Variants in CAPN6 observed in about 807,000 individuals in gnomAD.
CAPN6 encodes the protein calpain 6.
A neutral mutation model predicts 46.0 loss-of-function variants in CAPN6; 16 were observed. That is an observed-to-expected ratio of 0.35 (90% CI 0.24 to 0.53). The LOEUF is 0.53. Ranked by LOEUF, CAPN6 falls within the 20% of genes least tolerant of loss-of-function variation. CAPN6 has a pLI of 0.94. For synonymous variants in CAPN6, 206 were observed against 172.8 expected, an observed-to-expected ratio of 1.19 and a Z score of -1.51; for missense variants, 461 against 498.0, an observed-to-expected ratio of 0.93 and a Z score of 0.71.
chrX:111,246,426 T>A lies in CAPN6; in HGVS notation c.*151A>T. The A allele has an allele frequency of 2.1e-6, 1 of 487,645 alleles. No individual in the cohort carries two copies. The highest frequency in any genetic ancestry group is 4.7e-4 in the Middle Eastern group (1 of 2,138). The allele number at this position is 487,645 out of a possible 1,213,427, so 40.2% of individuals were successfully genotyped here. ...ATGTAGCTACAGATGCTACTTGGAT[T>A]GGGAGGTATGGGGAATTTATCAGAA... On this transcript the variant is annotated 3_prime_UTR_variant, in exon 13 of 13. Coordinates refer to ENST00000324068, the MANE Select transcript of CAPN6 (RefSeq NM_014289.4).
intron 5 of CAPN6, among the ~76,000 whole-genome samples, chrX:111,252,001 A>T (rs926868266): frequency 3.6e-5 from 4 of 112,389 alleles, no homozygotes; most frequent in African/African-American, 1.3e-4. Context: ...GATGGGGCAG[A>T]TTCATTTATT....
intron 2 of CAPN6, among the ~76,000 whole-genome samples, chrX:111,261,925 C>T: frequency 9.0e-6 from 1 of 111,521 alleles, no homozygotes; most frequent in Non-Finnish European, 1.9e-5. Flanking sequence ...AAGACACCTA[C>T]CCAATACACC....
chrX:111,246,783 G>A, intron 12 of CAPN6, 24 bp from the exon 13 acceptor site: 1 of 1,166,471 alleles, frequency 8.6e-7, no homozygotes, highest in Non-Finnish European at 1.2e-6. Flanking sequence ...CGAAGGGAGT[G>A]AAGATGAGCA....
At chrX:111,267,479 T>C (rs1335733474) in intron 1 of CAPN6, among the ~76,000 whole-genome samples, 1 of 111,888 alleles carries the variant, frequency 8.9e-6, no homozygotes, top group Non-Finnish European at 1.9e-5. Context: ...GACTGCCACG[T>C]AGAATACAAG....
rs770926204 is a variant in CAPN6 at position 111,247,223 on chromosome X, G to T, written c.1743+145C>A. On this transcript the variant is annotated intron_variant, in intron 12 of 12. Transcript: ENST00000324068. ...AATAAGGAAGTCAGTGTCCATGCTT[G>T]ATGAGAAGAGTTTTTGAGTATAAAA... 86 of 472,712 alleles carry T rather than the reference G, an allele frequency of 1.8e-4. 1 individual carries two copies. In the African/African-American group the frequency reaches 2.1e-3, roughly 11 times the overall value. 39.0% of individuals were successfully genotyped at this position (472,712 alleles called of 1,213,427 possible). A position where few individuals can be genotyped will look rare whatever the true frequency, so the allele number is the denominator to read the frequency against.
Position 111,252,488 on chromosome X carries a change from C to G in CAPN6, c.518G>C (p.Cys173Ser). The G allele has an allele frequency of 8.3e-7, 1 of 1,197,905 alleles. No homozygotes were observed. The highest frequency in any genetic ancestry group is 1.1e-6 in the Non-Finnish European group (1 of 889,111). ...LEKAYAKLLG[C>S]YEALDGLTIT... ...GGTCAAACCATCCAGGGCCTCATAA[C>G]AGCCTAGCAGCCTGAGGGCAAGTAT... The change falls in exon 5 of 13, where the codon TGT (cysteine) becomes TCT (serine). Residue 173 changes from cysteine to serine, a missense_variant. Physicochemically the swap from Cys to Ser is moderately radical, Grantham distance 112 (BLOSUM62 -1). Transcript: ENST00000324068.
At chrX:111,261,078 G>A (rs1383546148) in intron 2 of CAPN6, among the ~76,000 whole-genome samples, 1 of 112,143 alleles carries the variant, frequency 8.9e-6, no homozygotes, top group Non-Finnish European at 1.9e-5. Flanking sequence ...ATGGAAGTGT[G>A]GCATCAACAC....
At chrX:111,253,261 C>T (rs1359558989) in intron 3 of CAPN6, 45 bp from the exon 4 acceptor site, 7 of 1,005,395 alleles carry the variant, frequency 7.0e-6, no homozygotes, top group Non-Finnish European at 9.8e-6. Context: ...CACCAGACCA[C>T]ATCCAGAAAC....
chrX:111,251,684 G>T lies in CAPN6; in HGVS notation c.758C>A (p.Thr253Asn), dbSNP rs1390473369. The T allele has an allele frequency of 8.3e-7, 1 of 1,210,518 alleles. No homozygotes were observed. Among genetic ancestry groups the T allele is most frequent in the Non-Finnish European group, 1.1e-6 (1 of 894,515 alleles). ...ETDWGLLKGH[T>N]YTMTDIRKIR... is the part of the protein sequence containing the mutation. ...TTTGCGAATATCAGTCATGGTATAG[G>T]TATGGCCCTTCAGCAGACCCCAATC... Residue 253 changes from threonine (T) to asparagine (N), a missense_variant, in exon 6 of 13, where the codon ACC becomes AAC. Transcript: ENST00000324068.
At chrX:111,264,879 A>G (rs183489708) in intron 1 of CAPN6, among the ~76,000 whole-genome samples, 2 of 111,827 alleles carry the variant, frequency 1.8e-5, no homozygotes, top group Admixed American at 9.5e-5. Flanking sequence ...CTTTGGGGTG[A>G]TAATAGGGTT....
At position 111,246,524 on chromosome X, in the gene CAPN6, G is replaced by C; in HGVS notation, c.*53C>G. On this transcript the variant is annotated 3_prime_UTR_variant, in exon 13 of 13. Coordinates refer to ENST00000324068, the MANE Select transcript of CAPN6 (RefSeq NM_014289.4). ...GAATCTTAACTAAGACCTGGCACCT[G>C]ACGGAAAATAAAAGGGTGGCACGCT... The C allele has an allele frequency of 9.6e-7, 1 of 1,037,960 alleles. No individual in the cohort carries two copies. The highest frequency in any genetic ancestry group is 1.3e-6 in the Non-Finnish European group (1 of 748,919). The allele number at this position is 1,037,960 out of a possible 1,213,427, so 85.5% of individuals were successfully genotyped here.
intron 2 of CAPN6, among the ~76,000 whole-genome samples, chrX:111,261,542 T>C (rs185844217): frequency 8.9e-6 from 1 of 112,557 alleles, no homozygotes; most frequent in East Asian, 2.8e-4. Flanking sequence ...TGATTTTCTC[T>C]CACTTTAGAA....
At position 111,247,410 on chromosome X, in the gene CAPN6, G is replaced by T. The variant is rs183987156; in HGVS notation, c.1701C>A (p.Ala567=). The change falls in exon 12 of 13, where the codon GCC becomes GCA. Residue 567 remains alanine, a synonymous_variant. Coordinates refer to ENST00000324068, the MANE Select transcript of CAPN6 (RefSeq NM_014289.4). ...NTVHAIFDTQ[A]IFYRRTTDIP... ...TGTCAGTGGTCCTTCTGTAGAAAAT[G>T]GCCTGGGTGTCAAAAATGGCATGAA... The T allele has an allele frequency of 3.3e-6, 4 of 1,206,111 alleles. No homozygotes were observed. Among genetic ancestry groups the T allele is most frequent in the Middle Eastern group, 2.3e-4 (1 of 4,347 alleles).
At position 111,258,809 on chromosome X, in the gene CAPN6, G is replaced by C. The variant is rs146254833; in HGVS notation, c.166-4406C>G. Among the ~76,000 whole-genome samples the C allele has an allele frequency of 7.0e-3, 787 of 111,813 alleles. 6 individuals carry two copies. The highest frequency in any genetic ancestry group is 0.011 in the Non-Finnish European group (600 of 53,217). ...CTAGGAGACTCAAGGCACAGATCCC[G>C]AACTGCTTTTTTGGGAAGAATTTAT... On this transcript the variant is annotated intron_variant, in intron 2 of 12. Transcript: ENST00000324068.
chrX:111,267,437 G>T (rs754445181), intron 1 of CAPN6, among the ~76,000 whole-genome samples: 1 of 111,654 alleles, frequency 9.0e-6, no homozygotes, highest in South Asian at 3.9e-4. Flanking sequence ...CCAGAGTGCA[G>T]AAAGTTGAGA....
intron 6 of CAPN6, 73 bp from the exon 7 acceptor site, chrX:111,251,359 T>C: frequency 9.5e-7 from 1 of 1,051,167 alleles, no homozygotes. Flanking sequence ...GTAAGTAGGA[T>C]GCCAGAGAAA....
chrX:111,253,386 G>C (rs993792905), intron 3 of CAPN6, among the ~76,000 whole-genome samples, 170 bp from the exon 4 acceptor site: 3 of 112,377 alleles, frequency 2.7e-5, no homozygotes, highest in African/African-American at 9.7e-5. Flanking sequence ...CACAACTTCT[G>C]CTTCCTCAGT....
intron 8 of CAPN6, among the ~76,000 whole-genome samples, chrX:111,250,456 T>C (rs779225747): frequency 9.0e-6 from 1 of 110,861 alleles, no homozygotes; most frequent in Non-Finnish European, 1.9e-5. Flanking sequence ...ATCTAGATGA[T>C]AAAATGGAGG....
chrX:111,252,266 C>T (rs753307633), intron 5 of CAPN6, 41 bp downstream of exon 5: 4 of 1,041,008 alleles, frequency 3.8e-6, no homozygotes, highest in Middle Eastern at 2.6e-4. Flanking sequence ...TCTCTTCTGC[C>T]AGGAATGAGT....
Sources: gnomAD v4.1 joint callset for allele counts (sites outside exome capture counted in the v4.1 genomes callset) on GRCh38, gnomAD v4.1.1 for gene constraint, MANE v1.5 for transcripts, NCBI Gene and HGNC (gene_info 2026-07-23, HGNC 2026-07-21) for gene names.